Variants in TRA2B observed in about 807,000 individuals in gnomAD.
TRA2B encodes transformer 2 beta homolog.
TRA2B carries 14 observed loss-of-function variants against 41.7 expected under a neutral mutation model. That is an observed-to-expected ratio of 0.34 (90% confidence interval 0.22 to 0.53). The LOEUF (loss-of-function observed/expected upper bound fraction) is 0.53, where lower values mean the gene tolerates loss of function less well. Ranked by LOEUF, TRA2B falls within the 20% of genes least tolerant of loss-of-function variation. TRA2B has a pLI of 0.95. For missense variants in TRA2B, 167 were observed against 396.8 expected, an observed-to-expected ratio of 0.42 and a Z score of 4.92; for synonymous variants, 130 against 128.8, an observed-to-expected ratio of 1.01 and a Z score of -0.06.
At chr3:185,923,722 C>T in intron 4 of TRA2B, 74 bp downstream of exon 4, 3 of 1,393,108 alleles carry the variant, frequency 2.2e-6, no homozygotes, top group Non-Finnish European at 2.9e-6. Flanking sequence ...TGTCCTTATC[C>T]TAGCAATTGG....
At position 185,935,525 on chromosome 3, in the gene TRA2B, T is replaced by TG. The variant is rs1560016484; in HGVS notation, c.36+2299dup. 5.1e-6 allele frequency: 5 copies of TG among 984,988 alleles called. No individual in the cohort carries two copies. In the East Asian group the frequency reaches 4.5e-4, roughly 89 times the overall value. 61.0% of individuals were successfully genotyped at this position (984,988 alleles called of 1,614,324 possible). On this transcript the variant is annotated intron_variant, in intron 1 of 8. Coordinates refer to ENST00000453386, the MANE Select transcript of TRA2B (RefSeq NM_004593.3). ...AAACTCCTACAGTCACTGGAAAAGG[T>TG]GGGGCACAGAGGGGTGGGGTTGTCT...
chr3:185,920,411 G>A (rs556156507), intron 6 of TRA2B, among the ~76,000 whole-genome samples: 179 of 152,244 alleles, frequency 1.2e-3, no homozygotes, highest in African/African-American at 3.9e-3. Context: ...AGGTGGGAGC[G>A]TACTTGGCTC....
At chr3:185,930,892 C>A (rs1054905920) in intron 1 of TRA2B, among the ~76,000 whole-genome samples, 11 of 152,188 alleles carry the variant, frequency 7.2e-5, no homozygotes, top group Non-Finnish European at 1.0e-4. Context: ...ACTTGTGTGA[C>A]CCACCTCTTC....
intron 1 of TRA2B, among the ~76,000 whole-genome samples, chr3:185,929,868 C>G (rs1472575443): frequency 6.6e-6 from 1 of 151,966 alleles, no homozygotes; most frequent in Non-Finnish European, 1.5e-5. Flanking sequence ...ATTTTTTTCC[C>G]TTGGCAAAGG....
intron 3 of TRA2B, 100 bp from the exon 4 acceptor site, chr3:185,924,084 A>G (rs756168622): frequency 1.2e-4 from 119 of 1,023,786 alleles, no homozygotes; most frequent in Non-Finnish European, 9.0e-5. Context: ...ACTAACAAGA[A>G]AAGTACATAA....
intron 1 of TRA2B, chr3:185,936,272 A>G: frequency 1.0e-6 from 1 of 985,472 alleles, no homozygotes; most frequent in Non-Finnish European, 1.2e-6. Context: ...GTTATAACAG[A>G]TTCAACTGCC....
chr3:185,937,374 G>T (rs1379413973), intron 1 of TRA2B: 1 of 999,100 alleles, frequency 1.0e-6, no homozygotes, highest in African/African-American at 1.7e-5. Context: ...GCGGCCTTAC[G>T]AAGCGCGGCC....
At chr3:185,927,722 A>T (rs927060662) in intron 1 of TRA2B, 7 of 152,360 alleles carry the variant, frequency 4.6e-5, no homozygotes, top group African/African-American at 1.7e-4. Flanking sequence ...GGTAACCAGG[A>T]TAACTAGGTC....
At chr3:185,926,472 G>T (rs1743957761) in intron 2 of TRA2B, 129 bp downstream of exon 2, 1 of 1,236,102 alleles carries the variant, frequency 8.1e-7, no homozygotes, top group South Asian at 1.7e-5. Flanking sequence ...CAGAACTTAA[G>T]TTCACTTCTA....
At chr3:185,935,978 C>G (rs997026327) in intron 1 of TRA2B, 2 of 985,272 alleles carry the variant, frequency 2.0e-6, no homozygotes, top group African/African-American at 3.5e-5. Context: ...TGTACTTTTA[C>G]TAGTAAAAAG....
chr3:185,922,773 A>C (rs1378658913), intron 4 of TRA2B: 3 of 152,222 alleles, frequency 2.0e-5, no homozygotes, highest in African/African-American at 7.2e-5. Context: ...AAAAAATAAA[A>C]ATACCCCGTT....
At position 185,935,251 on chromosome 3, in the gene TRA2B, A is replaced by C; in HGVS notation, c.36+2574T>G. 4 of 985,410 alleles carry C rather than the reference A, an allele frequency of 4.1e-6. No homozygotes were observed. The African/African-American group carries it at 5.2e-5, about 13-fold the overall frequency. 61.0% of individuals were successfully genotyped at this position (985,410 alleles called of 1,614,324 possible). A position where few individuals can be genotyped will look rare whatever the true frequency, so the allele number is the denominator to read the frequency against. On this transcript the variant is annotated intron_variant, in intron 1 of 8. Coordinates refer to ENST00000453386, the MANE Select transcript of TRA2B (RefSeq NM_004593.3). ...TCTTGAATCCGGAGATGAAAACGAG[A>C]TCTTACTTTTGAAAGTGGTTTGGCC...
At chr3:185,935,082 TG>T in intron 1 of TRA2B, 1 of 985,454 alleles carries the variant, frequency 1.0e-6, no homozygotes, top group Admixed American at 6.1e-5. Flanking sequence ...TGACCATTAT[TG>T]GGCTCTAAAG....
At position 185,916,685 on chromosome 3, in the gene TRA2B, CAGA is replaced by C. The variant is rs1310376401; in HGVS notation, c.*1027_*1029del. ...ACACACTGCCCTAACGATTAAACTA[CAGA>C]AGAACTCTAATTATAATAGAACAAG... On this transcript the variant is annotated 3_prime_UTR_variant, in exon 9 of 9. Transcript: ENST00000453386. 3 of 152,594 alleles carry C rather than the reference CAGA, an allele frequency of 2.0e-5. No individual in the cohort carries two copies. Among genetic ancestry groups the C allele is most frequent in the Non-Finnish European group, 2.9e-5 (2 of 68,030 alleles). 9.5% of individuals were successfully genotyped at this position (152,594 alleles called of 1,614,324 possible).
At chr3:185,935,297 AT>A in intron 1 of TRA2B, 1 of 985,438 alleles carries the variant, frequency 1.0e-6, no homozygotes, top group Non-Finnish European at 1.2e-6. Context: ...AAGCCTGCTA[AT>A]TAGACCCCTA....
At chr3:185,926,035 T>C (rs760408818) in intron 2 of TRA2B, among the ~76,000 whole-genome samples, 4 of 152,012 alleles carry the variant, frequency 2.6e-5, no homozygotes, top group Non-Finnish European at 5.9e-5. Context: ...AACAAAAAAT[T>C]GAGTGGCTCT....
chr3:185,924,960 GT>G (rs1743887869), intron 3 of TRA2B: 1 of 152,022 alleles, frequency 6.6e-6, no homozygotes, highest in Admixed American at 6.5e-5. Context: ...AAAACATTAA[GT>G]CCCCCCCTGC....
Position 185,936,903 on chromosome 3 carries a change from G to A in TRA2B, c.36+922C>T, listed in dbSNP as rs1310183829. 1.7e-5 allele frequency: 17 copies of A among 985,172 alleles called. No homozygotes were observed. The African/African-American group carries it at 2.3e-4, about 13-fold the overall frequency. The allele number at this position is 985,172 out of a possible 1,614,324, so 61.0% of individuals were successfully genotyped here. On this transcript the variant is annotated intron_variant, in intron 1 of 8. Coordinates refer to ENST00000453386, the MANE Select transcript of TRA2B (RefSeq NM_004593.3). ...TCCCGCAATTCAATCAACCCTCACT[G>A]AACACCTTTAAGAGGTGGAAACTTA...
intron 5 of TRA2B, among the ~76,000 whole-genome samples, 193 bp downstream of exon 5, chr3:185,921,818 C>G (rs1743749678): frequency 6.6e-6 from 1 of 152,160 alleles, no homozygotes; most frequent in South Asian, 2.1e-4. Flanking sequence ...TAAAAATGGA[C>G]TTGACTAAGA....
Sources: allele counts gnomAD v4.1 joint callset (sites outside exome capture counted in the v4.1 genomes callset), GRCh38; gene constraint gnomAD v4.1.1; transcripts MANE v1.5; gene names NCBI Gene and HGNC (gene_info 2026-07-23, HGNC 2026-07-21).